NRG1: variants seen among roughly 807,000 people sequenced by gnomAD.
NRG1 encodes neuregulin 1.
Under a neutral mutation model 63.8 loss-of-function variants are expected in NRG1, and 18 were observed. That is an observed-to-expected ratio of 0.28 (90% CI 0.19 to 0.42). The LOEUF (loss-of-function observed/expected upper bound fraction) is 0.42, where lower values mean the gene tolerates loss of function less well. Among genes scored for constraint, NRG1 ranks in the 10% least tolerant of loss-of-function variants. NRG1 has a pLI of 1.00. For missense variants in NRG1, 762 were observed against 814.7 expected (o/e 0.94, Z 0.79); for synonymous variants, 302 against 301.3 (o/e 1.00, Z -0.02).
intron 1 of NRG1, among the ~76,000 whole-genome samples, chr8:32,057,671 A>C (rs1823180473): frequency 6.6e-6 from 1 of 152,160 alleles, no homozygotes; most frequent in Non-Finnish European, 1.5e-5. Context: ...TCATTGGGTT[A>C]AGGATCATTT....
intron 1 of NRG1, among the ~76,000 whole-genome samples, chr8:32,115,635 G>A (rs914275081): frequency 1.3e-5 from 2 of 152,072 alleles, no homozygotes; most frequent in Non-Finnish European, 2.9e-5. Flanking sequence ...GTGGACCCAC[G>A]CAGTTCAAAC....
chr8:31,854,434 A>G (rs868332852), intron 1 of NRG1, among the ~76,000 whole-genome samples: 31 of 152,134 alleles, frequency 2.0e-4, no homozygotes, highest in Middle Eastern at 3.4e-3. Context: ...GGTAGTTTGT[A>G]TTTCTGTGGG....
At chr8:32,665,778 C>T (rs764320396) in intron 5 of NRG1, among the ~76,000 whole-genome samples, 12 of 152,140 alleles carry the variant, frequency 7.9e-5, no homozygotes, top group Non-Finnish European at 1.5e-4. Flanking sequence ...ACATTAAAAA[C>T]ATTTTCTTCT....
At chr8:32,279,923 C>T (rs1563264123) in intron 1 of NRG1, among the ~76,000 whole-genome samples, 1 of 152,166 alleles carries the variant, frequency 6.6e-6, no homozygotes, top group Non-Finnish European at 1.5e-5. Flanking sequence ...TGGCAGTCCT[C>T]CTTGATTCTG....
At chr8:32,723,720 A>T (rs1472961173) in intron 5 of NRG1, among the ~76,000 whole-genome samples, 1 of 82,348 alleles carries the variant, frequency 1.2e-5, no homozygotes, top group African/African-American at 4.6e-5. Context: ...AAAAAAAAAC[A>T]ATTGTGGAAG....
intron 1 of NRG1, among the ~76,000 whole-genome samples, chr8:31,684,005 AG>A (rs1344319789): frequency 6.6e-4 from 101 of 152,220 alleles, no homozygotes; most frequent in Non-Finnish European, 1.3e-3. Flanking sequence ...ATGTAAGAGA[AG>A]ACTTGATTCT....
Position 32,253,051 on chromosome 8 carries a change from C to G in NRG1, c.38-342777C>G, listed in dbSNP as rs112214079. Reference sequence around the variant, plus strand: ...GGTTTTTAAACATTGTTTTTGTATTCTGAAACTTTGCTGAAATTGCTTATC... The same window carrying G: ...GGTTTTTAAACATTGTTTTTGTATTGTGAAACTTTGCTGAAATTGCTTATC... On this transcript the variant is annotated intron_variant, in intron 1 of 10. Coordinates refer to the NRG1 transcript ENST00000519301. Among the ~76,000 whole-genome samples the G allele has an allele frequency of 8.1e-3, 1,232 of 152,200 alleles. 13 individuals carry two copies. Among genetic ancestry groups the G allele is most frequent in the African/African-American group, 0.028 (1,175 of 41,522 alleles).
intron 1 of NRG1, among the ~76,000 whole-genome samples, chr8:31,802,737 G>A (rs1821909675): frequency 6.6e-6 from 1 of 152,142 alleles, no homozygotes; most frequent in South Asian, 2.1e-4. Context: ...ACCAAGAAGA[G>A]CATATATCTC....
At chr8:31,775,842 C>A (rs1009746994) in intron 1 of NRG1, among the ~76,000 whole-genome samples, 2 of 138,760 alleles carry the variant, frequency 1.4e-5, no homozygotes, top group South Asian at 2.3e-4. Flanking sequence ...GAGATCATGC[C>A]ACCACACTCC....
chr8:31,846,951 G>A (rs1246147063), intron 1 of NRG1, among the ~76,000 whole-genome samples: 5 of 152,048 alleles, frequency 3.3e-5, no homozygotes. Flanking sequence ...AATAATAAAG[G>A]GGCACCTCTG....
chr8:32,241,311 C>A (rs1035423278), intron 1 of NRG1, among the ~76,000 whole-genome samples: 1 of 152,128 alleles, frequency 6.6e-6, no homozygotes, highest in Non-Finnish European at 1.5e-5. Context: ...AAATGCAATG[C>A]AATAAATTAC....
chr8:32,359,537 G>A (rs1219290674), intron 1 of NRG1, among the ~76,000 whole-genome samples: 2 of 152,086 alleles, frequency 1.3e-5, no homozygotes, highest in Non-Finnish European at 2.9e-5. Context: ...CTTTTCCAAT[G>A]TCTTGAAAGG....
At chr8:31,893,059 A>C (rs1047736612) in intron 1 of NRG1, among the ~76,000 whole-genome samples, 1 of 151,758 alleles carries the variant, frequency 6.6e-6, no homozygotes, top group Non-Finnish European at 1.5e-5. Context: ...CCCTAAGAGT[A>C]TAAAAGCCCA....
intron 1 of NRG1, among the ~76,000 whole-genome samples, chr8:31,727,292 G>A (rs1470541266): frequency 6.6e-6 from 1 of 152,108 alleles, no homozygotes; most frequent in African/African-American, 2.4e-5. Flanking sequence ...AAACAAAAAT[G>A]TTCTGTTCAT....
At chr8:32,151,692 CA>C (rs1225407522) in intron 1 of NRG1, among the ~76,000 whole-genome samples, 1 of 152,212 alleles carries the variant, frequency 6.6e-6, no homozygotes, top group Non-Finnish European at 1.5e-5. Context: ...GAAATCTGAG[CA>C]GGGGGAACCT....
At chr8:32,007,087 A>T (rs1255296777) in intron 1 of NRG1, among the ~76,000 whole-genome samples, 1 of 152,200 alleles carries the variant, frequency 6.6e-6, no homozygotes, top group East Asian at 1.9e-4. Context: ...GATTTAAATG[A>T]ATAGTCTCCC....
chr8:32,312,260 C>G (rs1239966514), intron 1 of NRG1, among the ~76,000 whole-genome samples: 1 of 141,824 alleles, frequency 7.1e-6, no homozygotes, highest in Non-Finnish European at 1.5e-5. Flanking sequence ...GCCTCCTGGG[C>G]TCAAGCGATT....
intron 5 of NRG1, among the ~76,000 whole-genome samples, chr8:32,617,890 A>G (rs1847663167): frequency 6.6e-6 from 1 of 152,140 alleles, no homozygotes; most frequent in African/African-American, 2.4e-5. Flanking sequence ...CAGGTTGGTG[A>G]TACTAGAACT....
intron 1 of NRG1, among the ~76,000 whole-genome samples, chr8:32,216,506 C>T (rs915066014): frequency 2.0e-5 from 3 of 149,218 alleles, no homozygotes; most frequent in African/African-American, 7.3e-5. Flanking sequence ...TTTCTCTTGA[C>T]AACCTTACTA....
Sources: allele counts gnomAD v4.1 joint callset (sites outside exome capture counted in the v4.1 genomes callset), GRCh38; gene constraint gnomAD v4.1.1; transcripts MANE v1.5; gene names NCBI Gene and HGNC (gene_info 2026-07-23, HGNC 2026-07-21).